The following RNF19A variants were observed in gnomAD, a reference collection of about 807,000 sequenced individuals.
RNF19A encodes ring finger protein 19A, RBR E3 ubiquitin protein ligase.
A neutral mutation model predicts 75.7 loss-of-function variants in RNF19A; 32 were observed. The ratio of observed to expected loss-of-function variants is 0.42; its 90% confidence interval spans 0.32 to 0.57. The LOEUF (loss-of-function observed/expected upper bound fraction) is 0.57, where lower values mean the gene tolerates loss of function less well. Ranked by LOEUF, RNF19A falls within the 20% of genes least tolerant of loss-of-function variation. The pLI is 0.10. For synonymous variants in RNF19A, 335 were observed against 345.2 expected (o/e 0.97, Z 0.33); for missense variants, 782 against 1,036.3 (o/e 0.75, Z 3.37).
chr8:100,308,210 T>G (rs1217839208), intron 1 of RNF19A, among the ~76,000 whole-genome samples: 1 of 152,198 alleles, frequency 6.6e-6, no homozygotes, highest in African/African-American at 2.4e-5. Context: ...CAAAGACACC[T>G]TGCGATGACA....
In RNF19A at chr8:100,309,921, C is replaced by A; in HGVS notation, c.-148G>T. ...GGGTGGCGGGCGAGTAGGCCCATCT[C>A]CCAGCAGCGGCGACAGCAGCCTGAG... On this transcript the variant is annotated 5_prime_UTR_variant, in exon 1 of 10. Coordinates refer to ENST00000341084, the MANE Select transcript of RNF19A (RefSeq NM_183419.4). The A allele has an allele frequency of 1.0e-6, 1 of 985,956 alleles. No homozygotes were observed. Among genetic ancestry groups the A allele is most frequent in the Non-Finnish European group, 1.2e-6 (1 of 830,342 alleles). The allele number at this position is 985,956 out of a possible 1,614,324, so 61.1% of individuals were successfully genotyped here. A position where few individuals can be genotyped will look rare whatever the true frequency, so the allele number is the denominator to read the frequency against.
Position 100,261,635 on chromosome 8 carries a change from T to C in RNF19A, c.1589A>G (p.Asp530Gly). 6.2e-7 allele frequency: 1 copy of C among 1,614,132 alleles called. No individual in the cohort carries two copies. The highest frequency in any genetic ancestry group is 8.5e-7 in the Non-Finnish European group (1 of 1,180,026). Residue 530 changes from aspartate (D) to glycine (G), a missense_variant, in exon 8 of 10, where the codon GAC becomes GGC. Physicochemically the swap from Asp to Gly is moderately conservative, Grantham distance 94. Transcript: ENST00000341084. The surrounding 1 kb of genome is among the most constrained non-coding windows in gnomAD (Gnocchi z 4.4). ...GGTGCTGGCCGTTTCACTCAGGTTGTCTCGGATGGCTCCTATTCGATCCAT... is the reference window on the plus strand; with the variant it reads ...GGTGCTGGCCGTTTCACTCAGGTTGCCTCGGATGGCTCCTATTCGATCCAT... The part of the protein sequence containing the change: ...SHMDRIGAIR[D>G]NLSETASTMA...
At chr8:100,283,924 TA>T in intron 2 of RNF19A, among the ~76,000 whole-genome samples, 1 of 152,264 alleles carries the variant, frequency 6.6e-6, no homozygotes, top group South Asian at 2.1e-4. Context: ...CAGATTTAAA[TA>T]AAAAATGGGG....
chr8:100,321,362 C>T (rs1169040292), intron 1 of RNF19A, among the ~76,000 whole-genome samples: 1 of 152,212 alleles, frequency 6.6e-6, no homozygotes, highest in East Asian at 1.9e-4. Context: ...AAACTACTTT[C>T]TTTCCTCTTC....
chr8:100,265,539 T>G (rs978914649), intron 5 of RNF19A, among the ~76,000 whole-genome samples: 1 of 152,180 alleles, frequency 6.6e-6, no homozygotes, highest in African/African-American at 2.4e-5. Flanking sequence ...TTTTCATGGT[T>G]TGCAAGGGCT....
At chr8:100,312,230 C>G (rs1822310601), upstream of RNF19A, 1 of 152,250 alleles carries the variant, frequency 6.6e-6, no homozygotes, top group South Asian at 2.1e-4. Context: ...AATTTGGCTG[C>G]ATATTCTTAT....
intron 1 of RNF19A, 112 bp from the exon 2 acceptor site, chr8:100,288,379 TG>T (rs201740699): frequency 6.9e-5 from 47 of 685,250 alleles, no homozygotes; most frequent in East Asian, 6.2e-4. Flanking sequence ...TAGTAGTAGT[TG>T]TTTTTTTTAA....
chr8:100,298,198 TAAAA>T (rs35748790), intron 1 of RNF19A, among the ~76,000 whole-genome samples: 6 of 144,398 alleles, frequency 4.2e-5, no homozygotes, highest in Non-Finnish European at 9.1e-5. Flanking sequence ...TGTATTGGGT[TAAAA>T]AAAAAAAAAA....
chr8:100,280,659 T>C (rs1014125562), intron 2 of RNF19A, among the ~76,000 whole-genome samples: 13 of 152,230 alleles, frequency 8.5e-5, no homozygotes, highest in Non-Finnish European at 1.9e-4. Flanking sequence ...GCAGTTTGTC[T>C]AGTAGTTTTT....
Position 100,287,017 on chromosome 8 carries a change from T to TCAA in RNF19A, c.674+481_674+483dup, listed in dbSNP as rs570811228. ...TGAGACTAGCAAATGCTTATGTATA[T>TCAA]CAACATGAACACATCATACTGTGGC... On this transcript the variant is annotated intron_variant, in intron 2 of 9. Coordinates refer to ENST00000341084, the MANE Select transcript of RNF19A (RefSeq NM_183419.4). This position sits in a 1 kb window ranked among gnomAD's most constrained non-coding sequence, Gnocchi z 4.1. Among the ~76,000 whole-genome samples, 277 of 152,262 alleles carry TCAA rather than the reference T, an allele frequency of 1.8e-3. 1 individual carries two copies. Among genetic ancestry groups the TCAA allele is most frequent in the Non-Finnish European group, 3.0e-3 (205 of 68,024 alleles).
chr8:100,268,595 A>G (rs1219269876), intron 5 of RNF19A, 190 bp downstream of exon 5: 2 of 395,274 alleles, frequency 5.1e-6, no homozygotes, highest in Non-Finnish European at 8.9e-6. Flanking sequence ...TCTGCTTTAT[A>G]CGTATTTATA....
At position 100,331,759 on chromosome 8, in the gene RNF19A, C is replaced by T. The variant is rs1822613970; in HGVS notation, c.-243+4349G>A. On this transcript the variant is annotated intron_variant, in intron 1 of 3. Coordinates refer to the RNF19A transcript ENST00000519527. The surrounding 1 kb of genome is among the most constrained non-coding windows in gnomAD (Gnocchi z 5.2). ...TCTTCAGTGCCTCTCCTGCAGACAA[C>T]TATTATCCGTTTCATATGTATTGAT... Among the ~76,000 whole-genome samples, 1 of 152,208 alleles carries T rather than the reference C, an allele frequency of 6.6e-6. No homozygotes were observed. Among genetic ancestry groups the T allele is most frequent in the Non-Finnish European group, 1.5e-5 (1 of 68,032 alleles).
At chr8:100,273,611 C>T (rs1411186937) in intron 3 of RNF19A, among the ~76,000 whole-genome samples, 1 of 152,060 alleles carries the variant, frequency 6.6e-6, no homozygotes, top group Admixed American at 6.5e-5. Context: ...TAATAAAAGC[C>T]ATTTCTGTCG....
chr8:100,283,242 T>C (rs1017766532), intron 2 of RNF19A, among the ~76,000 whole-genome samples: 14 of 152,362 alleles, frequency 9.2e-5, no homozygotes, highest in African/African-American at 3.1e-4. Context: ...AAACAGGTGA[T>C]AGAAACTAAA....
intron 1 of RNF19A, among the ~76,000 whole-genome samples, chr8:100,302,950 G>GT (rs1200089373): frequency 6.6e-6 from 1 of 152,140 alleles, no homozygotes; most frequent in African/African-American, 2.4e-5. Context: ...AGACTGGAGG[G>GT]TATTAAAACA....
intron 1 of RNF19A, among the ~76,000 whole-genome samples, chr8:100,319,501 A>G (rs996681675): frequency 7.1e-6 from 1 of 140,570 alleles, no homozygotes; most frequent in Admixed American, 6.8e-5. Flanking sequence ...AGTAACTGCT[A>G]TCCTGAAGTT....
Position 100,264,422 on chromosome 8 carries a change from C to CT in RNF19A, c.1307-228dup, listed in dbSNP as rs1819873983. 1 of 574,610 alleles carries CT rather than the reference C, an allele frequency of 1.7e-6. No individual in the cohort carries two copies. The highest frequency in any genetic ancestry group is 3.0e-6 in the Non-Finnish European group (1 of 330,254). The allele number at this position is 574,610 out of a possible 1,614,324, so 35.6% of individuals were successfully genotyped here. ...AAGGGGAAAAAGAGAGAGATGCAAA[C>CT]TTTTTTCTTTTGAAGTGCCAGGCCT... On this transcript the variant is annotated intron_variant, in intron 6 of 9. Transcript: ENST00000341084. The surrounding 1 kb of genome is among the most constrained non-coding windows in gnomAD (Gnocchi z 4.7).
upstream of RNF19A, among the ~76,000 whole-genome samples, chr8:100,310,538 G>C (rs986280384): frequency 6.6e-6 from 1 of 152,250 alleles, no homozygotes; most frequent in Non-Finnish European, 1.5e-5. Flanking sequence ...TGTGTTCTCA[G>C]GGTTCACCTG....
intron 5 of RNF19A, among the ~76,000 whole-genome samples, chr8:100,267,639 C>T (rs1226508439): frequency 7.3e-5 from 11 of 150,328 alleles, no homozygotes; most frequent in South Asian, 4.2e-4. Context: ...CAAAGTGCTA[C>T]GATGACAGGA....
Sources: gnomAD v4.1 joint callset for allele counts (sites outside exome capture counted in the v4.1 genomes callset) on GRCh38, gnomAD v4.1.1 for gene constraint, Gnocchi (gnomAD v3.1) non-coding constraint, MANE v1.5 for transcripts, NCBI Gene and HGNC (gene_info 2026-07-23, HGNC 2026-07-21) for gene names.